The following DOCK8 variants were observed in gnomAD, a reference collection of about 807,000 sequenced individuals.
DOCK8 encodes the protein dedicator of cytokinesis protein 8.
In DOCK8, 141 loss-of-function variants were observed where a neutral mutation model predicts 245.6. The observed-to-expected ratio is 0.57, with a 90% confidence interval of 0.50 to 0.66. The LOEUF (loss-of-function observed/expected upper bound fraction) is 0.66. DOCK8 is among the 30% of genes least tolerant of loss of function. The probability of loss-of-function intolerance (pLI) is 0.00; values close to 1 mark genes in which losing one functional copy is unlikely to be tolerated. For synonymous variants in DOCK8, 1,168 were observed against 970.2 expected, an observed-to-expected ratio of 1.20 and a Z score of -3.79; for missense variants, 2,965 against 2,603.4, an observed-to-expected ratio of 1.14 and a Z score of -3.02.
At chr9:403,884 C>CTG (rs2055236638) in intron 26 of DOCK8, among the ~76,000 whole-genome samples, 1 of 89,712 alleles carries the variant, frequency 1.1e-5, no homozygotes, top group Non-Finnish European at 1.9e-5. Flanking sequence ...CTCTCTCTCT[C>CTG]TCTCTCTCTA....
intron 22 of DOCK8, among the ~76,000 whole-genome samples, chr9:383,568 C>T (rs978815401): frequency 6.6e-6 from 1 of 151,938 alleles, no homozygotes; most frequent in Non-Finnish European, 1.5e-5. Context: ...GGCATGGTGG[C>T]GGGTCCCTGT....
At chr9:436,536 A>G (rs745916678) in intron 39 of DOCK8, among the ~76,000 whole-genome samples, 3 of 152,112 alleles carry the variant, frequency 2.0e-5, no homozygotes, top group Non-Finnish European at 4.4e-5. Flanking sequence ...TCCCATGACT[A>G]TATTTTATTT....
chr9:323,783 T>C (rs1210190565), intron 7 of DOCK8, among the ~76,000 whole-genome samples: 4 of 152,262 alleles, frequency 2.6e-5, no homozygotes, highest in African/African-American at 7.2e-5. Context: ...TGTGACTGGC[T>C]TCTTTTACTC....
chr9:437,131 G>C (rs1376080284), intron 39 of DOCK8, among the ~76,000 whole-genome samples: 2 of 152,198 alleles, frequency 1.3e-5, no homozygotes, highest in Non-Finnish European at 2.9e-5. Flanking sequence ...CAAGTGAAAG[G>C]ACACCCAACC....
chr9:215,080 GTGTGAAGCGGAGCT>G, intron 1 of DOCK8, 51 bp downstream of exon 1: 2 of 1,533,074 alleles, frequency 1.3e-6, no homozygotes, highest in South Asian at 2.4e-5. Flanking sequence ...CCCAGCGCTG[GTGTGAAGCGGAGCT>G]TCGCTGCAGG....
intron 1 of DOCK8, among the ~76,000 whole-genome samples, chr9:254,649 G>T (rs2047726701): frequency 6.6e-6 from 1 of 152,172 alleles, no homozygotes; most frequent in South Asian, 2.1e-4. Flanking sequence ...TTTCCCTGCA[G>T]GTGGAAGTGG....
intron 1 of DOCK8, among the ~76,000 whole-genome samples, chr9:231,467 C>T (rs1010566401): frequency 3.3e-5 from 5 of 152,082 alleles, no homozygotes; most frequent in African/African-American, 4.8e-5. Flanking sequence ...ATGCGGATGG[C>T]TTGAATCTCT....
chr9:433,846 G>T, intron 37 of DOCK8, 29 bp from the exon 38 acceptor site: 1 of 1,564,810 alleles, frequency 6.4e-7, no homozygotes, highest in Non-Finnish European at 8.8e-7. Flanking sequence ...ACAAAGCTAA[G>T]ATTATTTTGA....
At chr9:377,566 C>T (rs1048813088) in intron 20 of DOCK8, among the ~76,000 whole-genome samples, 1 of 152,076 alleles carries the variant, frequency 6.6e-6, no homozygotes, top group African/African-American at 2.4e-5. Flanking sequence ...GGTAAGACAA[C>T]CTGTGTTAAA....
upstream of DOCK8, chr9:213,426 T>TAC (rs979217293): frequency 6.6e-6 from 1 of 152,210 alleles, no homozygotes; most frequent in African/African-American, 2.4e-5. Context: ...GCCACATGTG[T>TAC]AATTTTACAT....
intron 6 of DOCK8, 118 bp from the exon 7 acceptor site, chr9:316,925 A>C (rs1215517213): frequency 2.1e-5 from 17 of 817,828 alleles, no homozygotes; most frequent in Non-Finnish European, 3.2e-5. Context: ...TGTTAGAAAA[A>C]AAGCAAATCT....
chr9:215,993 G>A (rs1270590553), intron 1 of DOCK8, among the ~76,000 whole-genome samples: 6 of 152,170 alleles, frequency 3.9e-5, no homozygotes, highest in Non-Finnish European at 2.9e-5. Flanking sequence ...GGATTCCACC[G>A]TAGGTTCATC....
At chr9:463,815 C>T (rs2057888296) in intron 47 of DOCK8, 128 bp downstream of exon 47, 1 of 1,119,448 alleles carries the variant, frequency 8.9e-7, no homozygotes, top group African/African-American at 1.5e-5. Flanking sequence ...GAGGGTCCCA[C>T]AGTCAGAGAG....
At chr9:338,417 T>C (rs1479472159) in intron 12 of DOCK8, among the ~76,000 whole-genome samples, 1 of 152,146 alleles carries the variant, frequency 6.6e-6, no homozygotes, top group Non-Finnish European at 1.5e-5. Flanking sequence ...CCCAATCTTA[T>C]GACCTTGGAG....
At chr9:371,869 C>T (rs1327349546) in intron 17 of DOCK8, among the ~76,000 whole-genome samples, 3 of 152,066 alleles carry the variant, frequency 2.0e-5, no homozygotes, top group African/African-American at 7.2e-5. Context: ...GCTTTGTCCC[C>T]CAAGAAGAAA....
At chr9:253,340 G>A (rs2047695310) in intron 1 of DOCK8, among the ~76,000 whole-genome samples, 2 of 152,162 alleles carry the variant, frequency 1.3e-5, no homozygotes, top group Non-Finnish European at 2.9e-5. Context: ...AGCAAGTTAT[G>A]ATTGGTCACG....
At position 383,226 on chromosome 9, in the gene DOCK8, C is replaced by G. The variant is rs577828496; in HGVS notation, c.2778+541C>G. On this transcript the variant is annotated intron_variant, in intron 22 of 47. Transcript: ENST00000432829. ...ACCAGCCTGGCCAACATGGTGAAAC[C>G]CTGTCTCTACTAAAAATAAAAACAT... is the stretch of plus-strand genomic sequence containing the variant. 5.9e-5 allele frequency among the ~76,000 whole-genome samples: 9 copies of G among 151,800 alleles called. No individual in the cohort carries two copies. The East Asian group carries it at 1.7e-3, about 29-fold the overall frequency.
chr9:400,610 A>T (rs1221389756), intron 26 of DOCK8, among the ~76,000 whole-genome samples: 3 of 94,694 alleles, frequency 3.2e-5, no homozygotes. Flanking sequence ...CATCACCACC[A>T]CCACCTCCAC....
At chr9:414,992 C>G (rs2055924487) in intron 29 of DOCK8, 41 bp downstream of exon 29, 2 of 1,610,886 alleles carry the variant, frequency 1.2e-6, no homozygotes, top group African/African-American at 1.3e-5. Context: ...TGTTGGGGGC[C>G]CCTGCCAAAT....
Sources: allele counts gnomAD v4.1 joint callset (sites outside exome capture counted in the v4.1 genomes callset), GRCh38; gene constraint gnomAD v4.1.1; transcripts MANE v1.5; gene names NCBI Gene and HGNC (gene_info 2026-07-23, HGNC 2026-07-21).